The following PIK3R6 variants were observed in gnomAD, a reference collection of about 807,000 sequenced individuals.
PIK3R6 encodes the protein phosphoinositide 3-kinase regulatory subunit 6.
PIK3R6 carries 91 observed loss-of-function variants against 84.9 expected under a neutral mutation model. That is an observed-to-expected ratio of 1.07 (90% confidence interval 0.90 to 1.28). The LOEUF is 1.28. PIK3R6 is among the 50% of genes most tolerant of loss of function. The pLI, the probability that PIK3R6 is intolerant of heterozygous loss-of-function variation, is 0.00. For synonymous variants in PIK3R6, 416 were observed against 411.4 expected, an observed-to-expected ratio of 1.01 and a Z score of -0.13; for missense variants, 996 against 985.1, an observed-to-expected ratio of 1.01 and a Z score of -0.15.
rs1402306026 is a variant in PIK3R6, at chr17:8,837,811, G to A, written c.250C>T (p.Leu84Phe). 21 of 1,613,516 alleles carry A rather than the reference G, an allele frequency of 1.3e-5. No homozygotes were observed. The highest frequency in any genetic ancestry group is 1.8e-5 in the Non-Finnish European group (21 of 1,179,640). The change falls in exon 5 of 20, where the codon CTC becomes TTC. Residue 84 changes from leucine (L) to phenylalanine (F), a missense_variant. By Grantham distance (22) the Leu-to-Phe change is conservative. Transcript: ENST00000619866. Reference protein sequence around the residue: ...IPLLHTVMYVLTKATGITEEL... With the variant: ...IPLLHTVMYVFTKATGITEEL... ...CTCAGTCCCCAGCTCACCTTGGTGA[G>A]CACGTACATTACAGTGTGCAGCAAG...
chr17:8,827,793 A>AGG (rs1177334466), intron 12 of PIK3R6, among the ~76,000 whole-genome samples: 1 of 142,756 alleles, frequency 7.0e-6, no homozygotes, highest in Admixed American at 6.9e-5. Flanking sequence ...AGAGAGAGAG[A>AGG]GAGAGAGAGA....
At chr17:8,843,166 T>C (rs2088729476) in intron 2 of PIK3R6, among the ~76,000 whole-genome samples, 1 of 152,216 alleles carries the variant, frequency 6.6e-6, no homozygotes, top group African/African-American at 2.4e-5. Flanking sequence ...TGAAGGTTGG[T>C]CACAGTCTTT....
Position 8,862,756 on chromosome 17 carries a change from A to C in PIK3R6, c.-92+4773T>G, listed in dbSNP as rs1191152726. 1.3e-5 allele frequency among the ~76,000 whole-genome samples: 2 copies of C among 152,112 alleles called. No individual in the cohort carries two copies. The highest frequency in any genetic ancestry group is 4.8e-5 in the African/African-American group (2 of 41,412). ...CCCCGTAGCGCAAGAATACGACATTACAGGACAGCAATACACCATCCTCCG... is the reference window on the plus strand; with the variant it reads ...CCCCGTAGCGCAAGAATACGACATTCCAGGACAGCAATACACCATCCTCCG... On this transcript the variant is annotated intron_variant, in intron 1 of 19. Coordinates refer to ENST00000619866, the MANE Select transcript of PIK3R6 (RefSeq NM_001010855.4). This position sits in a 1 kb window ranked among gnomAD's most constrained non-coding sequence, Gnocchi z 4.3.
chr17:8,835,490 G>A, intron 7 of PIK3R6, 34 bp from the exon 8 acceptor site: 1 of 1,504,994 alleles, frequency 6.6e-7, no homozygotes. Context: ...AGGTGGGATT[G>A]ATAGTAACTA....
intron 13 of PIK3R6, among the ~76,000 whole-genome samples, chr17:8,825,594 T>C (rs2087890668): frequency 6.6e-6 from 1 of 152,226 alleles, no homozygotes; most frequent in African/African-American, 2.4e-5. Flanking sequence ...GCATTTCAAA[T>C]TTCTGCGGCA....
At chr17:8,847,846 G>A (rs1036043797) in intron 2 of PIK3R6, among the ~76,000 whole-genome samples, 1 of 151,888 alleles carries the variant, frequency 6.6e-6, no homozygotes, top group Admixed American at 6.6e-5. Context: ...CTGCAGTCCT[G>A]GTCATCCTGA....
chr17:8,822,910 G>C (rs2087788787), intron 15 of PIK3R6, 86 bp downstream of exon 15: 1 of 1,158,194 alleles, frequency 8.6e-7, no homozygotes, highest in East Asian at 2.3e-5. Context: ...TGGGCGTGCA[G>C]GCATCATCAG....
At chr17:8,841,777 C>T (rs2088685817) in intron 2 of PIK3R6, among the ~76,000 whole-genome samples, 1 of 151,674 alleles carries the variant, frequency 6.6e-6, no homozygotes, top group South Asian at 2.1e-4. Context: ...TGAGAATGTA[C>T]CTCGCTCCTC....
rs1283566649 is a variant in PIK3R6, at chr17:8,819,092, C to T, written c.1986G>A (p.Lys662=). 1 of 1,600,820 alleles carries T rather than the reference C, an allele frequency of 6.2e-7. No homozygotes were observed. Among genetic ancestry groups the T allele is most frequent in the Non-Finnish European group, 8.5e-7 (1 of 1,173,546 alleles). Residue 662 remains lysine, a synonymous_variant, in exon 18 of 20, where the codon AAG becomes AAA. Transcript: ENST00000619866. The part of the protein sequence containing the change: ...EVVKSSNLAG[K]SFSTVTNTFR... Reference sequence around the variant, plus strand: ...TCTACTCAGTACTTACAGAGAAGGACTTTCCCGCCAAGTTGGAGGACTTGA... The same window carrying T: ...TCTACTCAGTACTTACAGAGAAGGATTTTCCCGCCAAGTTGGAGGACTTGA...
In PIK3R6 at chr17:8,860,284, T is replaced by TGG. The variant is rs200248347; in HGVS notation, c.-92+7243_-92+7244dup. Among the ~76,000 whole-genome samples the TGG allele has an allele frequency of 1.2e-3, 175 of 146,494 alleles. 1 individual carries two copies. Among genetic ancestry groups the TGG allele is most frequent in the African/African-American group, 4.3e-3 (159 of 36,648 alleles). ...CCAGGACCGCCTGAGCTCCGCCTCC[T>TGG]GGGGCGGGGGGCGGTGTGGGCATAA... On this transcript the variant is annotated intron_variant, in intron 1 of 19. Transcript: ENST00000619866.
chr17:8,856,767 G>A (rs1203734621), intron 1 of PIK3R6, among the ~76,000 whole-genome samples: 3 of 151,966 alleles, frequency 2.0e-5, no homozygotes, highest in African/African-American at 7.3e-5. Flanking sequence ...TGGGGTCACA[G>A]GTAATTTTTA....
intron 9 of PIK3R6, 24 bp downstream of exon 9, chr17:8,832,865 G>GC (rs777125961): frequency 5.0e-6 from 8 of 1,611,854 alleles, no homozygotes; most frequent in East Asian, 2.2e-5. Context: ...TCTTGCCAAG[G>GC]CCCCCCATCT....
At chr17:8,851,495 CCAAAACAAAA>C (rs564065008) in intron 1 of PIK3R6, among the ~76,000 whole-genome samples, 3 of 152,052 alleles carry the variant, frequency 2.0e-5, no homozygotes, top group East Asian at 1.9e-4. Flanking sequence ...AGACTCCGTC[CCAAAACAAAA>C]CAAAACAAAA....
chr17:8,839,749 G>T lies in PIK3R6; in HGVS notation c.14-52C>A. ...ACTCAGTCCACTGAACCTCACCCTC[G>T]TCCCACCTCCATTCCTTCCGAGAGT... On this transcript the variant is annotated intron_variant, in intron 2 of 19. Coordinates refer to ENST00000619866, the MANE Select transcript of PIK3R6 (RefSeq NM_001010855.4). This position sits in a 1 kb window ranked among gnomAD's most constrained non-coding sequence, Gnocchi z 4.2. 1 of 1,409,208 alleles carries T rather than the reference G, an allele frequency of 7.1e-7. No individual in the cohort carries two copies. Among genetic ancestry groups the T allele is most frequent in the South Asian group, 1.3e-5 (1 of 79,038 alleles). The allele number at this position is 1,409,208 out of a possible 1,614,324, so 87.3% of individuals were successfully genotyped here.
At chr17:8,827,723 T>C (rs1270735980) in intron 12 of PIK3R6, among the ~76,000 whole-genome samples, 3 of 111,560 alleles carry the variant, frequency 2.7e-5, no homozygotes, top group Admixed American at 2.3e-4. Context: ...TGTGTGTGTA[T>C]GAGAGAGGGG....
intron 13 of PIK3R6, among the ~76,000 whole-genome samples, chr17:8,824,493 T>A (rs1289003378): frequency 6.6e-6 from 1 of 152,232 alleles, no homozygotes; most frequent in Non-Finnish European, 1.5e-5. Context: ...ACATCTGGTG[T>A]ACTGAAATAT....
At chr17:8,838,098 G>A (rs540623284) in intron 4 of PIK3R6, among the ~76,000 whole-genome samples, 1 of 152,286 alleles carries the variant, frequency 6.6e-6, no homozygotes, top group Admixed American at 6.5e-5. Context: ...AGAGAACTCT[G>A]CAGGTGAGGG....
chr17:8,805,487 A>G (rs1165014137), intron 18 of PIK3R6, among the ~76,000 whole-genome samples: 1 of 152,154 alleles, frequency 6.6e-6, no homozygotes, highest in African/African-American at 2.4e-5. Flanking sequence ...CCCGCTATGC[A>G]TAGACTCCTG....
chr17:8,819,634 T>A (rs2087652129), intron 17 of PIK3R6, among the ~76,000 whole-genome samples: 1 of 149,092 alleles, frequency 6.7e-6, no homozygotes, highest in South Asian at 2.1e-4. Context: ...AGGTCAAGGT[T>A]TCTTTTACTT....
Sources: allele counts gnomAD v4.1 joint callset (sites outside exome capture counted in the v4.1 genomes callset), GRCh38; gene constraint gnomAD v4.1.1; non-coding constraint Gnocchi (gnomAD v3.1); transcripts MANE v1.5; gene names NCBI Gene and HGNC (gene_info 2026-07-23, HGNC 2026-07-21).